The following SPATA6 variants were observed in gnomAD, a reference collection of about 807,000 sequenced individuals.
The protein encoded by SPATA6 is spermatogenesis associated 6.
In SPATA6, 56 loss-of-function variants were observed where a neutral mutation model predicts 65.3. The ratio of observed to expected loss-of-function variants is 0.86; its 90% confidence interval spans 0.69 to 1.07. The LOEUF is 1.07. Ranked by LOEUF, SPATA6 falls within the 50% of genes least tolerant of loss-of-function variation. The probability of loss-of-function intolerance (pLI) is 0.00; values close to 1 mark genes in which losing one functional copy is unlikely to be tolerated. For synonymous variants in SPATA6, 199 were observed against 213.2 expected (o/e 0.93, Z 0.58); for missense variants, 590 against 594.8 (o/e 0.99, Z 0.08).
chr1:48,387,543 C>A (rs1049724970), intron 8 of SPATA6, among the ~76,000 whole-genome samples: 12 of 152,164 alleles, frequency 7.9e-5, no homozygotes, highest in Non-Finnish European at 1.6e-4. Flanking sequence ...CAGATACTAC[C>A]TTCCACAATC....
intron 8 of SPATA6, among the ~76,000 whole-genome samples, chr1:48,388,094 G>A (rs1557652567): frequency 6.6e-6 from 1 of 152,134 alleles, no homozygotes; most frequent in Non-Finnish European, 1.5e-5. Flanking sequence ...GGACAGGCAT[G>A]GTCAGCTCAA....
intron 3 of SPATA6, among the ~76,000 whole-genome samples, chr1:48,419,985 A>G (rs1035302888): frequency 6.6e-6 from 1 of 152,190 alleles, no homozygotes; most frequent in African/African-American, 2.4e-5. Context: ...TTGTATGCCA[A>G]TACTGACTGA....
intron 3 of SPATA6, among the ~76,000 whole-genome samples, chr1:48,416,106 G>A (rs1215930861): frequency 6.6e-6 from 1 of 152,088 alleles, no homozygotes; most frequent in African/African-American, 2.4e-5. Flanking sequence ...GGGAGGCTGA[G>A]GTAGGAGATC....
intron 9 of SPATA6, among the ~76,000 whole-genome samples, chr1:48,369,435 C>T (rs985592767): frequency 2.0e-5 from 3 of 152,206 alleles, no homozygotes; most frequent in African/African-American, 4.8e-5. Context: ...CCACCCAGTT[C>T]GAGCTTCCTG....
chr1:48,415,410 T>G (rs1652668013), intron 3 of SPATA6, among the ~76,000 whole-genome samples: 1 of 152,172 alleles, frequency 6.6e-6, no homozygotes, highest in Non-Finnish European at 1.5e-5. Flanking sequence ...TGTCAGGGGT[T>G]TTTTGGTGTT....
rs78075083 is a variant in SPATA6 at position 48,468,926 on chromosome 1, C to A, written c.51+3032G>T. Among the ~76,000 whole-genome samples, 2,994 of 152,234 alleles carry A rather than the reference C, an allele frequency of 0.02. 122 individuals carry two copies. The East Asian group carries it at 0.2, about 10-fold the overall frequency. On this transcript the variant is annotated intron_variant, in intron 1 of 12. Transcript: ENST00000371847. Reference sequence around the variant, plus strand: ...GTGTAATAATGGTGTTGGGGTTATACAGAACAATCTCCTTATTTTTTAATT... The same window carrying A: ...GTGTAATAATGGTGTTGGGGTTATAAAGAACAATCTCCTTATTTTTTAATT...
intron 8 of SPATA6, among the ~76,000 whole-genome samples, chr1:48,389,756 G>C (rs535629239): frequency 3.3e-5 from 5 of 152,146 alleles, no homozygotes; most frequent in African/African-American, 1.2e-4. Flanking sequence ...TTCATCACCA[G>C]TAAGCCAGCC....
intron 3 of SPATA6, among the ~76,000 whole-genome samples, chr1:48,415,115 C>T (rs558823691): frequency 2.7e-4 from 41 of 152,096 alleles, no homozygotes; most frequent in African/African-American, 9.4e-4. Flanking sequence ...ACTATATGTG[C>T]GTTCAGGGAA....
intron 1 of SPATA6, among the ~76,000 whole-genome samples, chr1:48,460,348 T>A (rs1657332820): frequency 6.6e-6 from 1 of 152,158 alleles, no homozygotes; most frequent in Non-Finnish European, 1.5e-5. Context: ...AAAAAAAGCA[T>A]TTGACAAAAT....
rs145272199 is a variant in SPATA6, at chr1:48,313,880, G to A, written c.1195-8002C>T. Among the ~76,000 whole-genome samples, 696 of 152,118 alleles carry A rather than the reference G, an allele frequency of 4.6e-3. 4 individuals carry two copies. Among genetic ancestry groups the A allele is most frequent in the African/African-American group, 0.015 (622 of 41,502 alleles). ...GCAAATGGAAAACAAAAAAAGGCAGGGGTTGCAATCCCAGTCTCTGATAAA... is the reference window on the plus strand; with the variant it reads ...GCAAATGGAAAACAAAAAAAGGCAGAGGTTGCAATCCCAGTCTCTGATAAA... On this transcript the variant is annotated intron_variant, in intron 11 of 12. Transcript: ENST00000371847.
At chr1:48,428,685 C>T (rs1271083485) in intron 3 of SPATA6, among the ~76,000 whole-genome samples, 6 of 151,388 alleles carry the variant, frequency 4.0e-5, no homozygotes, top group Admixed American at 6.6e-5. Flanking sequence ...GGGGGTTGGT[C>T]TTGCTGTCTC....
At chr1:48,319,999 T>A (rs75442560) in intron 11 of SPATA6, among the ~76,000 whole-genome samples, 2,256 of 152,186 alleles carry the variant, frequency 0.015, 55 homozygotes, top group African/African-American at 0.052. Context: ...ATGCCCCCAG[T>A]GCAGCCACCC....
At chr1:48,450,467 G>C (rs921295129) in intron 3 of SPATA6, among the ~76,000 whole-genome samples, 1 of 151,888 alleles carries the variant, frequency 6.6e-6, no homozygotes, top group African/African-American at 2.4e-5. Flanking sequence ...TTTTTTAACA[G>C]AAGAATTTCA....
At chr1:48,284,993 C>T in the SPATA6 span, among the ~76,000 whole-genome samples, 4 of 152,286 alleles carry the variant, frequency 2.6e-5, no homozygotes, top group East Asian at 1.9e-4. Context: ...AGAGCCAGCA[C>T]GCAGGAACGT....
intron 9 of SPATA6, among the ~76,000 whole-genome samples, chr1:48,365,280 G>A (rs537030703): frequency 9.9e-5 from 15 of 152,118 alleles, no homozygotes; most frequent in Admixed American, 2.0e-4. Context: ...TTGGCGATGC[G>A]GGCTCTTTTT....
intron 11 of SPATA6, among the ~76,000 whole-genome samples, chr1:48,332,363 C>T (rs72891586): frequency 0.026 from 3,898 of 152,192 alleles, 107 homozygotes; most frequent in African/African-American, 0.071. Flanking sequence ...ATGTCATCAA[C>T]AGGCTTAAAA....
chr1:48,347,172 A>G (rs1009777781), intron 11 of SPATA6, among the ~76,000 whole-genome samples: 5 of 151,956 alleles, frequency 3.3e-5, no homozygotes, highest in African/African-American at 1.2e-4. Context: ...CACACCTACA[A>G]CTAACTGATT....
chr1:48,416,740 A>G (rs1474119758), intron 3 of SPATA6, among the ~76,000 whole-genome samples: 2 of 152,202 alleles, frequency 1.3e-5, no homozygotes, highest in Admixed American at 1.3e-4. Flanking sequence ...CAGGCAATCT[A>G]TTTCAGGAAC....
chr1:48,426,728 A>C (rs1450396821), intron 3 of SPATA6, among the ~76,000 whole-genome samples: 1 of 151,270 alleles, frequency 6.6e-6, no homozygotes, highest in Non-Finnish European at 1.5e-5. Context: ...TTTAAATAAT[A>C]ATAGGCAAAA....
Sources: gnomAD v4.1 joint callset for allele counts (sites outside exome capture counted in the v4.1 genomes callset) on GRCh38, gnomAD v4.1.1 for gene constraint, MANE v1.5 for transcripts, NCBI Gene and HGNC (gene_info 2026-07-23, HGNC 2026-07-21) for gene names.